DOCK2: variants seen among roughly 807,000 people sequenced by gnomAD.
The protein encoded by DOCK2 is dedicator of cytokinesis protein 2.
Under a neutral mutation model 248.9 loss-of-function variants are expected in DOCK2, and 87 were observed. The observed-to-expected ratio is 0.35, with a 90% CI of 0.29 to 0.42. DOCK2 has a LOEUF of 0.42. DOCK2 is among the 10% of genes least tolerant of loss of function. DOCK2 has a pLI of 1.00. For synonymous variants in DOCK2, 805 were observed against 821.6 expected (o/e 0.98, Z 0.35); for missense variants, 1,747 against 2,300.2 (o/e 0.76, Z 4.92).
chr5:169,759,809 C>A, intron 24 of DOCK2, 34 bp downstream of exon 24: 1 of 1,612,460 alleles, frequency 6.2e-7, no homozygotes, highest in Non-Finnish European at 8.5e-7. Flanking sequence ...TTGGGCTCTG[C>A]TGGCAAGCTA....
intron 22 of DOCK2, among the ~76,000 whole-genome samples, chr5:169,738,469 C>T (rs1763153848): frequency 6.6e-6 from 1 of 152,138 alleles, no homozygotes; most frequent in African/African-American, 2.4e-5. Flanking sequence ...TCAAGCAATT[C>T]AAGATAGTCC....
intron 27 of DOCK2, among the ~76,000 whole-genome samples, chr5:169,922,560 C>T (rs757176591): frequency 5.9e-5 from 9 of 152,258 alleles, no homozygotes; most frequent in Middle Eastern, 3.4e-3. Context: ...GAAAAATAAC[C>T]GTTAATGGTT....
intron 27 of DOCK2, among the ~76,000 whole-genome samples, chr5:169,848,931 C>T (rs1025549382): frequency 1.1e-4 from 17 of 152,144 alleles, no homozygotes; most frequent in Non-Finnish European, 2.1e-4. Flanking sequence ...CTTCACTTTT[C>T]ACTCCTGGGA....
At chr5:170,046,988 A>G (rs1015407357) in intron 39 of DOCK2, among the ~76,000 whole-genome samples, 1 of 152,232 alleles carries the variant, frequency 6.6e-6, no homozygotes, top group African/African-American at 2.4e-5. Flanking sequence ...CATTAGGTGT[A>G]AAGTAAGATT....
intron 26 of DOCK2, among the ~76,000 whole-genome samples, chr5:169,835,571 A>G (rs417230): frequency 0.27 from 41,544 of 151,852 alleles, 7,556 homozygotes; most frequent in African/African-American, 0.52. Context: ...CTTGTTTTCT[A>G]TGGTGGACAG....
intron 27 of DOCK2, among the ~76,000 whole-genome samples, chr5:169,923,485 A>G (rs10035370): frequency 0.019 from 362 of 18,968 alleles, 1 homozygote; most frequent in African/African-American, 0.071. Context: ...GCACGTGGGC[A>G]CACACACACA....
At chr5:169,776,668 AG>A (rs1417047240) in intron 25 of DOCK2, among the ~76,000 whole-genome samples, 1 of 152,228 alleles carries the variant, frequency 6.6e-6, no homozygotes, top group Non-Finnish European at 1.5e-5. Context: ...CCACGTGTCA[AG>A]GGTGGAACCA....
intron 34 of DOCK2, among the ~76,000 whole-genome samples, chr5:170,028,150 G>C (rs549946355): frequency 1.3e-5 from 2 of 152,256 alleles, no homozygotes; most frequent in Admixed American, 6.5e-5. Flanking sequence ...TGATAGAATG[G>C]GCCAGGTGAA....
intron 23 of DOCK2, among the ~76,000 whole-genome samples, chr5:169,755,873 T>C (rs1005247704): frequency 2.0e-5 from 3 of 152,178 alleles, no homozygotes; most frequent in African/African-American, 7.2e-5. Flanking sequence ...TCTGGGAGCG[T>C]TTGGTGCTGG....
At chr5:169,650,950 C>T (rs1757772803) in intron 1 of DOCK2, among the ~76,000 whole-genome samples, 1 of 152,134 alleles carries the variant, frequency 6.6e-6, no homozygotes, top group South Asian at 2.1e-4. Flanking sequence ...GGTAGGCTTC[C>T]CTGATTTGTC....
chr5:170,004,987 C>A (rs1159190689), intron 30 of DOCK2, among the ~76,000 whole-genome samples: 1 of 147,080 alleles, frequency 6.8e-6, no homozygotes, highest in Non-Finnish European at 1.5e-5. Flanking sequence ...TTAGTGGGTG[C>A]AGCGCACCAG....
chr5:169,648,299 A>C (rs574288365), intron 1 of DOCK2, among the ~76,000 whole-genome samples: 28 of 152,144 alleles, frequency 1.8e-4, no homozygotes, highest in African/African-American at 6.7e-4. Flanking sequence ...CCCCTCCCCC[A>C]GGTTGGGACA....
At chr5:170,041,817 A>G (rs1410483779) in intron 37 of DOCK2, among the ~76,000 whole-genome samples, 196 bp from the exon 38 acceptor site, 1 of 152,240 alleles carries the variant, frequency 6.6e-6, no homozygotes, top group Admixed American at 6.5e-5. Context: ...AAATATCCTG[A>G]GTACTCATGC....
At chr5:169,891,580 C>T (rs1336202180) in intron 27 of DOCK2, among the ~76,000 whole-genome samples, 2 of 152,048 alleles carry the variant, frequency 1.3e-5, no homozygotes, top group Non-Finnish European at 2.9e-5. Context: ...GTAGGGGACT[C>T]AGTCCTGGGA....
intron 27 of DOCK2, among the ~76,000 whole-genome samples, chr5:169,868,612 G>T (rs1033253796): frequency 2.0e-5 from 3 of 152,100 alleles, no homozygotes; most frequent in African/African-American, 7.2e-5. Context: ...TAAAAAATTA[G>T]CCATGTGTGG....
At chr5:169,975,413 A>T (rs1777679914) in intron 27 of DOCK2, among the ~76,000 whole-genome samples, 1 of 152,104 alleles carries the variant, frequency 6.6e-6, no homozygotes, top group Non-Finnish European at 1.5e-5. Context: ...TCTTGCACTG[A>T]TCCCATGGGC....
intron 27 of DOCK2, among the ~76,000 whole-genome samples, chr5:169,845,524 G>C (rs944565496): frequency 1.1e-4 from 16 of 152,182 alleles, no homozygotes; most frequent in African/African-American, 3.9e-4. Context: ...GAAATGAAGT[G>C]AGTGAATAAG....
At chr5:169,685,794 A>G (rs1414336663) in intron 8 of DOCK2, among the ~76,000 whole-genome samples, 1 of 152,162 alleles carries the variant, frequency 6.6e-6, no homozygotes, top group East Asian at 1.9e-4. Context: ...TGTCACTAAG[A>G]TGAGAAAATG....
intron 22 of DOCK2, among the ~76,000 whole-genome samples, chr5:169,743,874 T>A (rs1202933044): frequency 6.7e-6 from 1 of 148,384 alleles, no homozygotes; most frequent in East Asian, 1.9e-4. Context: ...TAATTTATGA[T>A]TTATATTTAA....
Sources: allele counts gnomAD v4.1 joint callset (sites outside exome capture counted in the v4.1 genomes callset), GRCh38; gene constraint gnomAD v4.1.1; transcripts MANE v1.5; gene names NCBI Gene and HGNC (gene_info 2026-07-23, HGNC 2026-07-21).